The following CSMD3 variants were observed in gnomAD, a reference collection of about 807,000 sequenced individuals.
The protein encoded by CSMD3 is CUB and sushi domain-containing protein 3.
A neutral mutation model predicts 435.2 loss-of-function variants in CSMD3; 177 were observed. The ratio of observed to expected loss-of-function variants is 0.41; its 90% CI spans 0.36 to 0.46. CSMD3 has a LOEUF of 0.46. Ranked by LOEUF, CSMD3 falls within the 20% of genes least tolerant of loss-of-function variation. The probability of loss-of-function intolerance (pLI) is 0.34; values close to 1 mark genes in which losing one functional copy is unlikely to be tolerated. For synonymous variants in CSMD3, 1,656 were observed against 1,520.5 expected, an observed-to-expected ratio of 1.09 and a Z score of -2.07; for missense variants, 4,265 against 4,504.6, an observed-to-expected ratio of 0.95 and a Z score of 1.52.
intron 1 of CSMD3, among the ~76,000 whole-genome samples, chr8:113,396,404 A>T (rs184301681): frequency 6.6e-6 from 1 of 152,144 alleles, no homozygotes; most frequent in African/African-American, 2.4e-5. Context: ...CTGGAGTACA[A>T]CTAATAAGGG....
intron 36 of CSMD3, among the ~76,000 whole-genome samples, chr8:112,389,285 T>C (rs1830213911): frequency 6.6e-6 from 1 of 152,204 alleles, no homozygotes; most frequent in Non-Finnish European, 1.5e-5. Flanking sequence ...TGAATAACCT[T>C]GAGAAGATTA....
rs2131301371 is a variant in CSMD3, at chr8:112,573,555, C to T, written c.3988G>A (p.Glu1330Lys). ...LSSTSNQLWLEFNSDTEGTDE... is the reference protein window; with the variant it reads ...LSSTSNQLWLKFNSDTEGTDE... Reference sequence around the variant, plus strand: ...GTCCCTTCAGTATCGGAATTAAATTCTAGCCAGAGTTGATTTGAAGTACTA... The same window carrying T: ...GTCCCTTCAGTATCGGAATTAAATTTTAGCCAGAGTTGATTTGAAGTACTA... The change falls in exon 24 of 71, where the codon GAA becomes AAA. Residue 1330 changes from glutamate (E) to lysine (K), a missense_variant. Glu to Lys is a moderately conservative substitution (Grantham distance 56, BLOSUM62 1). Coordinates refer to ENST00000297405, the MANE Select transcript of CSMD3 (RefSeq NM_198123.2). The T allele has an allele frequency of 1.9e-6, 3 of 1,613,490 alleles. No homozygotes were observed. Among genetic ancestry groups the T allele is most frequent in the Non-Finnish European group, 2.5e-6 (3 of 1,179,592 alleles).
At chr8:112,445,891 A>C (rs890272174) in intron 32 of CSMD3, among the ~76,000 whole-genome samples, 1 of 152,170 alleles carries the variant, frequency 6.6e-6, no homozygotes, top group African/African-American at 2.4e-5. Context: ...GCACTTAAAG[A>C]ATCAAAATTT....
intron 18 of CSMD3, among the ~76,000 whole-genome samples, chr8:112,652,338 TC>T (rs1563814571): frequency 6.6e-6 from 1 of 152,144 alleles, no homozygotes; most frequent in South Asian, 2.1e-4. Context: ...GGTTTCAATT[TC>T]CCCCAATGTT....
chr8:112,594,310 C>T (rs374050681), intron 22 of CSMD3, among the ~76,000 whole-genome samples: 92 of 152,284 alleles, frequency 6.0e-4, no homozygotes, highest in African/African-American at 1.9e-3. Context: ...CTTTTCGGAC[C>T]GGCTTAAAAA....
chr8:112,579,597 T>C (rs1312609682), intron 23 of CSMD3, among the ~76,000 whole-genome samples: 1 of 152,104 alleles, frequency 6.6e-6, no homozygotes, highest in Admixed American at 6.6e-5. Flanking sequence ...TACAATCTAA[T>C]TGTAATATAA....
chr8:112,686,561 A>T (rs2131810122), intron 14 of CSMD3, among the ~76,000 whole-genome samples: 1 of 149,094 alleles, frequency 6.7e-6, no homozygotes, highest in African/African-American at 2.5e-5. Context: ...ATCTAGGCTC[A>T]CTGCAACCTC....
intron 13 of CSMD3, among the ~76,000 whole-genome samples, chr8:112,701,498 GA>G (rs2076388090): frequency 6.6e-6 from 1 of 152,060 alleles, no homozygotes; most frequent in Admixed American, 6.5e-5. Context: ...TCGAGAGAAA[GA>G]ATGGAATGAG....
At chr8:113,028,912 A>T (rs748617212) in intron 5 of CSMD3, among the ~76,000 whole-genome samples, 4 of 151,592 alleles carry the variant, frequency 2.6e-5, no homozygotes, top group Non-Finnish European at 5.9e-5. Flanking sequence ...GATGAAGGTG[A>T]CTATACTAAA....
chr8:113,283,455 C>G (rs923272344), intron 2 of CSMD3, among the ~76,000 whole-genome samples: 2 of 151,894 alleles, frequency 1.3e-5, no homozygotes, highest in African/African-American at 4.8e-5. Context: ...AGAAGATATA[C>G]AAATGGCAAC....
At chr8:112,322,794 TA>T (rs1219410196) in intron 45 of CSMD3, among the ~76,000 whole-genome samples, 1 of 152,130 alleles carries the variant, frequency 6.6e-6, no homozygotes, top group Non-Finnish European at 1.5e-5. Flanking sequence ...ATTTTCCATT[TA>T]TTTGCATGCT....
At chr8:112,458,825 A>G (rs535836533) in intron 32 of CSMD3, among the ~76,000 whole-genome samples, 85 of 152,208 alleles carry the variant, frequency 5.6e-4, no homozygotes, top group South Asian at 3.5e-3. Flanking sequence ...TCATATCTCA[A>G]GTCTAGACAT....
intron 12 of CSMD3, among the ~76,000 whole-genome samples, chr8:112,825,770 T>C (rs2079659710): frequency 6.6e-6 from 1 of 152,118 alleles, no homozygotes; most frequent in Non-Finnish European, 1.5e-5. Flanking sequence ...CACTCCTGTA[T>C]AGGGTGTCTG....
intron 13 of CSMD3, among the ~76,000 whole-genome samples, chr8:112,793,556 G>T (rs990005996): frequency 1.3e-5 from 2 of 152,112 alleles, no homozygotes; most frequent in African/African-American, 4.8e-5. Context: ...ACTGAGCAAA[G>T]AATGATTCGC....
intron 10 of CSMD3, among the ~76,000 whole-genome samples, chr8:112,893,664 C>T (rs929698818): frequency 6.6e-6 from 1 of 151,434 alleles, no homozygotes; most frequent in African/African-American, 2.4e-5. Context: ...TATTTGAGTG[C>T]CTTACCAACT....
chr8:112,938,063 T>C (rs1365702512), intron 9 of CSMD3, among the ~76,000 whole-genome samples: 2 of 152,128 alleles, frequency 1.3e-5, no homozygotes, highest in East Asian at 3.9e-4. Flanking sequence ...ACTCAGAATA[T>C]ATAACATTGC....
chr8:112,766,300 A>C (rs2077977257), intron 13 of CSMD3, among the ~76,000 whole-genome samples: 1 of 151,296 alleles, frequency 6.6e-6, no homozygotes, highest in African/African-American at 2.4e-5. Context: ...TTCTTGGAAT[A>C]TATTTTTTTT....
intron 32 of CSMD3, among the ~76,000 whole-genome samples, chr8:112,414,279 G>A: frequency 6.6e-6 from 1 of 152,110 alleles, no homozygotes; most frequent in East Asian, 1.9e-4. Flanking sequence ...GTCCCCCTGA[G>A]AGGTAATTGA....
intron 44 of CSMD3, 122 bp downstream of exon 44, chr8:112,336,526 CAGTT>C: frequency 1.3e-6 from 1 of 768,932 alleles, no homozygotes; most frequent in South Asian, 1.5e-5. Context: ...CTGTCACCCT[CAGTT>C]ACTCACATCA....
Sources: gnomAD v4.1 joint callset for allele counts (sites outside exome capture counted in the v4.1 genomes callset) on GRCh38, gnomAD v4.1.1 for gene constraint, MANE v1.5 for transcripts, NCBI Gene and HGNC (gene_info 2026-07-23, HGNC 2026-07-21) for gene names.